Variants in CACNA1C observed in about 807,000 individuals in gnomAD.
CACNA1C encodes the protein calcium voltage-gated channel subunit alpha1 C.
In CACNA1C, 30 loss-of-function variants were observed where a neutral mutation model predicts 229.0. The ratio of observed to expected loss-of-function variants is 0.13; its 90% CI spans 0.10 to 0.18. CACNA1C has a LOEUF of 0.18. CACNA1C is among the 10% of genes least tolerant of loss of function. The pLI is 1.00. For synonymous variants in CACNA1C, 1,114 were observed against 1,132.5 expected (o/e 0.98, Z 0.33); for missense variants, 1,658 against 2,845.0 (o/e 0.58, Z 9.49).
Position 2,653,936 on chromosome 12 carries a change from C to A in CACNA1C, c.4140+36C>A, listed in dbSNP as rs369706132. 4.5e-6 allele frequency: 7 copies of A among 1,555,738 alleles called. No individual in the cohort carries two copies. In the African/African-American group the frequency reaches 8.1e-5, roughly 18 times the overall value. ...TCCCACCACGGGGCTCCTGGCCTCCCGCTCTGTCTCTCCCCAGTTCCCAGC... is the reference window on the plus strand; with the variant it reads ...TCCCACCACGGGGCTCCTGGCCTCCAGCTCTGTCTCTCCCCAGTTCCCAGC... On this transcript the variant is annotated intron_variant, in intron 33 of 46. Coordinates refer to ENST00000399655, the MANE Select transcript of CACNA1C (RefSeq NM_000719.7). This position sits in a 1 kb window ranked among gnomAD's most constrained non-coding sequence, Gnocchi z 4.7.
In CACNA1C at chr12:2,285,799, G is replaced by T. The variant is rs2092582664; in HGVS notation, c.478-163177G>T. Among the ~76,000 whole-genome samples the T allele has an allele frequency of 6.6e-6, 1 of 152,196 alleles. No homozygotes were observed. Among genetic ancestry groups the T allele is most frequent in the Admixed American group, 6.5e-5 (1 of 15,278 alleles). On this transcript the variant is annotated intron_variant, in intron 3 of 46. Coordinates refer to ENST00000399655, the MANE Select transcript of CACNA1C (RefSeq NM_000719.7). This position sits in a 1 kb window ranked among gnomAD's most constrained non-coding sequence, Gnocchi z 4.2. Reference sequence around the variant, plus strand: ...CACCTACCCAGCGGCTTTTTGGGCGGCAGTGGAAGGGAGTGTTTTATTAGG... The same window carrying T: ...CACCTACCCAGCGGCTTTTTGGGCGTCAGTGGAAGGGAGTGTTTTATTAGG...
At chr12:2,422,442 G>A (rs1051311016) in intron 3 of CACNA1C, among the ~76,000 whole-genome samples, 6 of 151,710 alleles carry the variant, frequency 4.0e-5, no homozygotes, top group Non-Finnish European at 7.4e-5. Context: ...GCCATCTGTA[G>A]GAAGAGGATC....
chr12:2,442,656 G>A (rs555819952), intron 3 of CACNA1C, among the ~76,000 whole-genome samples: 1 of 152,256 alleles, frequency 6.6e-6, no homozygotes, highest in African/African-American at 2.4e-5. Context: ...TAAGAAAAGA[G>A]GTTTAATTGG....
chr12:2,645,804 C>T (rs569098383), intron 30 of CACNA1C, among the ~76,000 whole-genome samples: 1 of 152,164 alleles, frequency 6.6e-6, no homozygotes, highest in Non-Finnish European at 1.5e-5. Flanking sequence ...CAGGTGTGAG[C>T]GGTGGTAGAG....
At chr12:2,584,790 C>G (rs772993289) in intron 16 of CACNA1C, among the ~76,000 whole-genome samples, 173 bp downstream of exon 16, 3 of 152,166 alleles carry the variant, frequency 2.0e-5, no homozygotes, top group Admixed American at 6.5e-5. Flanking sequence ...CTAAGCATCA[C>G]TCTGGTAGGG....
intron 45 of CACNA1C, among the ~76,000 whole-genome samples, chr12:2,687,741 G>A (rs2097582384): frequency 6.6e-6 from 1 of 152,146 alleles, no homozygotes; most frequent in African/African-American, 2.4e-5. Context: ...GTTACTCCGT[G>A]TTGGTCAGGC....
At chr12:2,321,877 A>T (rs1055078799) in intron 3 of CACNA1C, among the ~76,000 whole-genome samples, 2 of 152,212 alleles carry the variant, frequency 1.3e-5, no homozygotes, top group South Asian at 4.1e-4. Context: ...CCTCGAAGGT[A>T]AAGTCTGGAT....
chr12:2,542,957 T>C (rs534972944), intron 9 of CACNA1C, among the ~76,000 whole-genome samples: 1 of 152,336 alleles, frequency 6.6e-6, no homozygotes, highest in South Asian at 2.1e-4. Flanking sequence ...GTTAGCCATC[T>C]TGAGCTACCA....
At chr12:2,650,933 G>A (rs1291050748) in intron 31 of CACNA1C, 1 of 152,628 alleles carries the variant, frequency 6.6e-6, no homozygotes, top group African/African-American at 2.4e-5. Context: ...GAGGCCCCAG[G>A]GCAGAGGGGA....
In CACNA1C at chr12:2,431,827, A is replaced by G. The variant is rs2154558547; in HGVS notation, c.478-17149A>G. 2.0e-5 allele frequency among the ~76,000 whole-genome samples: 3 copies of G among 152,278 alleles called. No homozygotes were observed. In the East Asian group the frequency reaches 5.8e-4, roughly 29 times the overall value. Reference sequence around the variant, plus strand: ...AGCTGCCATTGCATTGCTCTGCAGTAAAGAGTCTTCAATGTAGGGACCTCC... The same window carrying G: ...AGCTGCCATTGCATTGCTCTGCAGTGAAGAGTCTTCAATGTAGGGACCTCC... On this transcript the variant is annotated intron_variant, in intron 3 of 46. Coordinates refer to ENST00000399655, the MANE Select transcript of CACNA1C (RefSeq NM_000719.7).
intron 3 of CACNA1C, among the ~76,000 whole-genome samples, chr12:2,231,452 A>G (rs750397866): frequency 2.0e-4 from 30 of 152,222 alleles, no homozygotes; most frequent in Non-Finnish European, 3.2e-4. Flanking sequence ...GCTTCCGCAC[A>G]GTTTATCTTG....
chr12:2,444,152 A>G (rs990280133), intron 3 of CACNA1C, among the ~76,000 whole-genome samples: 4 of 152,200 alleles, frequency 2.6e-5, no homozygotes, highest in Non-Finnish European at 5.9e-5. Context: ...TCTGGGGATA[A>G]GTGGTACCAG....
At position 2,633,091 on chromosome 12, in the gene CACNA1C, T is replaced by C. The variant is rs542858141; in HGVS notation, c.3829-1206T>C. Among the ~76,000 whole-genome samples the C allele has an allele frequency of 6.6e-6, 1 of 152,302 alleles. No individual in the cohort carries two copies. Among genetic ancestry groups the C allele is most frequent in the South Asian group, 2.1e-4 (1 of 4,826 alleles). ...GAGTCACCAGTGAGCCCAGATAACC[T>C]GCCACCCTGCGGCCCACATTGATGG... On this transcript the variant is annotated intron_variant, in intron 29 of 46. Transcript: ENST00000399655. This position sits in a 1 kb window ranked among gnomAD's most constrained non-coding sequence, Gnocchi z 5.8.
In CACNA1C at chr12:2,250,653, G is replaced by A. The variant is rs529966651; in HGVS notation, c.477+130223G>A. 4.9e-4 allele frequency among the ~76,000 whole-genome samples: 74 copies of A among 152,128 alleles called. 1 individual carries two copies. Among genetic ancestry groups the A allele is most frequent in the Non-Finnish European group, 8.1e-4 (55 of 68,022 alleles). ...CCTGGTCATCCATCTCTAATCCAGT[G>A]ACCTCCCAACCCCAGCCGGCCCTCC... On this transcript the variant is annotated intron_variant, in intron 3 of 46. Coordinates refer to ENST00000399655, the MANE Select transcript of CACNA1C (RefSeq NM_000719.7).
intron 3 of CACNA1C, among the ~76,000 whole-genome samples, chr12:2,177,594 T>C (rs879715077): frequency 0.06 from 3,560 of 59,618 alleles, 167 homozygotes; most frequent in East Asian, 0.17. Flanking sequence ...CCTCCCTTCC[T>C]TCCTTCCTTC....
rs182813352 is a variant in CACNA1C at position 2,416,272 on chromosome 12, C to T, written c.478-32704C>T. ...GCTTTCTCTTTCTTCTCTTGTTCCC[C>T]ACTCTATTTCGTGGGCCTGGAAAGT... On this transcript the variant is annotated intron_variant, in intron 3 of 46. Transcript: ENST00000399655. Among the ~76,000 whole-genome samples, 129 of 152,268 alleles carry T rather than the reference C, an allele frequency of 8.5e-4. 1 individual carries two copies. The highest frequency in any genetic ancestry group is 3.4e-3 in the Middle Eastern group (1 of 294).
chr12:2,351,947 G>C (rs954503787), intron 3 of CACNA1C, among the ~76,000 whole-genome samples: 6 of 152,194 alleles, frequency 3.9e-5, no homozygotes, highest in Admixed American at 1.3e-4. Flanking sequence ...TTCCGGTCTT[G>C]TCAGGTTTTC....
At chr12:2,021,824 G>A (rs959393208) in intron 1 of CACNA1C, among the ~76,000 whole-genome samples, 9 of 152,162 alleles carry the variant, frequency 5.9e-5, no homozygotes, top group African/African-American at 1.7e-4. Flanking sequence ...TCATGGTGGT[G>A]TTAATCCACT....
At chr12:2,073,955 A>G (rs1012976028) in intron 1 of CACNA1C, among the ~76,000 whole-genome samples, 3 of 152,186 alleles carry the variant, frequency 2.0e-5, no homozygotes, top group East Asian at 3.9e-4. Flanking sequence ...CCTAGGGGAA[A>G]GTGTTCAGTG....
Sources: allele counts gnomAD v4.1 joint callset (sites outside exome capture counted in the v4.1 genomes callset), GRCh38; gene constraint gnomAD v4.1.1; non-coding constraint Gnocchi (gnomAD v3.1); transcripts MANE v1.5; gene names NCBI Gene and HGNC (gene_info 2026-07-23, HGNC 2026-07-21).